Variants in MYLK observed in about 807,000 individuals in gnomAD.
The protein encoded by MYLK is myosin light chain kinase, also known as myosin light chain kinase, smooth muscle.
A neutral mutation model predicts 203.4 loss-of-function variants in MYLK; 106 were observed. The ratio of observed to expected loss-of-function variants is 0.52; its 90% confidence interval spans 0.45 to 0.61. The LOEUF is 0.61. Ranked by LOEUF, MYLK falls within the 20% of genes least tolerant of loss-of-function variation. The probability of loss-of-function intolerance (pLI) is 0.00; values close to 1 mark genes in which losing one functional copy is unlikely to be tolerated. For missense variants in MYLK, 2,072 were observed against 2,442.3 expected (o/e 0.85, Z 3.20); for synonymous variants, 867 against 959.5 (o/e 0.90, Z 1.78).
At position 123,700,105 on chromosome 3, in the gene MYLK, C is replaced by T; in HGVS notation, c.3363G>A (p.Val1121=). The T allele has an allele frequency of 5.0e-6, 8 of 1,613,976 alleles. No individual in the cohort carries two copies. Among genetic ancestry groups the T allele is most frequent in the Non-Finnish European group, 6.8e-6 (8 of 1,179,972 alleles). ...EGKKLLLQCQ[V]SSDPPATIIW... ...TGATGGTGGCTGGGGGGTCAGAAGA[C>T]ACCTGGCACTGGAGCAGCAGCTTCT... Residue 1121 remains valine (V), a synonymous_variant, in exon 18 of 34, where the codon GTG becomes GTA. Coordinates refer to ENST00000360304, the MANE Select transcript of MYLK (RefSeq NM_053025.4).
chr3:123,735,623 T>C (rs376664250), intron 8 of MYLK: 2 of 590,048 alleles, frequency 3.4e-6, no homozygotes, highest in Admixed American at 2.8e-5. Flanking sequence ...GGCTTCTTAA[T>C]AGTGGCTGGT....
rs1312089059 is a variant in MYLK, at chr3:123,610,879, T to G, written c.*3226A>C. On this transcript the variant is annotated 3_prime_UTR_variant, in exon 34 of 34. Transcript: ENST00000360304. ...TACATAAATTTAGAGCTGACAACAGTCAGCATGTCTTATTAGTTGCATGTA... is the reference window on the plus strand; with the variant it reads ...TACATAAATTTAGAGCTGACAACAGGCAGCATGTCTTATTAGTTGCATGTA... 6.6e-6 allele frequency: 1 copy of G among 152,192 alleles called. No homozygotes were observed. The highest frequency in any genetic ancestry group is 1.5e-5 in the Non-Finnish European group (1 of 68,034). The allele number at this position is 152,192 out of a possible 1,614,324, so 9.4% of individuals were successfully genotyped here.
In MYLK at chr3:123,661,199, T is replaced by A. The variant is rs151080191; in HGVS notation, c.3985+2906A>T. ...CGTAGTGGTGATCGGAGGAGGGGAG[T>A]GCGTGGCACTGCGCAGGAGCTGGGC... On this transcript the variant is annotated intron_variant, in intron 23 of 33. Coordinates refer to ENST00000360304, the MANE Select transcript of MYLK (RefSeq NM_053025.4). Among the ~76,000 whole-genome samples, 852 of 151,330 alleles carry A rather than the reference T, an allele frequency of 5.6e-3. 11 individuals carry two copies. Among genetic ancestry groups the A allele is most frequent in the African/African-American group, 0.019 (764 of 41,126 alleles).
intron 2 of MYLK, among the ~76,000 whole-genome samples, chr3:123,867,738 G>T (rs1002822383): frequency 6.6e-6 from 1 of 152,206 alleles, no homozygotes; most frequent in Non-Finnish European, 1.5e-5. Flanking sequence ...CCACCTGGCT[G>T]TGGTACTTTG....
At chr3:123,754,807 C>A (rs1225493079) in intron 4 of MYLK, among the ~76,000 whole-genome samples, 1 of 151,914 alleles carries the variant, frequency 6.6e-6, no homozygotes, top group Admixed American at 6.6e-5. Context: ...TATTAGTGTG[C>A]TGTATAATGA....
chr3:123,736,600 AG>A (rs777238692), intron 8 of MYLK, among the ~76,000 whole-genome samples: 7 of 152,260 alleles, frequency 4.6e-5, no homozygotes, highest in Non-Finnish European at 1.0e-4. Context: ...AGAAAGAGGC[AG>A]GGGTCAAAAG....
chr3:123,820,644 CTCCTTCCT>C (rs1171629371), intron 3 of MYLK, among the ~76,000 whole-genome samples: 579 of 26,096 alleles, frequency 0.022, 4 homozygotes, highest in Non-Finnish European at 0.045. Context: ...CCTTCCTTCC[CTCCTTCCT>C]TCCTTCCTTC....
chr3:123,680,342 C>T (rs1049704229), intron 20 of MYLK, among the ~76,000 whole-genome samples: 1 of 152,170 alleles, frequency 6.6e-6, no homozygotes, highest in Non-Finnish European at 1.5e-5. Flanking sequence ...TCAATACCTG[C>T]CCTGTAGCTT....
intron 13 of MYLK, among the ~76,000 whole-genome samples, chr3:123,719,059 G>C (rs1333972068): frequency 6.6e-6 from 1 of 152,228 alleles, no homozygotes; most frequent in Non-Finnish European, 1.5e-5. Context: ...GAGTCACTGA[G>C]GAGGGAAGGC....
chr3:123,863,850 A>G (rs913814968), intron 2 of MYLK, among the ~76,000 whole-genome samples: 5 of 152,236 alleles, frequency 3.3e-5, no homozygotes, highest in African/African-American at 7.2e-5. Flanking sequence ...ACTCCTAGAT[A>G]TTTACCCAAG....
intron 1 of MYLK, among the ~76,000 whole-genome samples, chr3:123,879,661 G>T (rs1340657497): frequency 6.6e-6 from 1 of 152,086 alleles, no homozygotes. Flanking sequence ...TTGAGACGGG[G>T]TCTCACACTG....
chr3:123,807,677 T>C (rs1276636228), intron 3 of MYLK, among the ~76,000 whole-genome samples: 3 of 152,164 alleles, frequency 2.0e-5, no homozygotes, highest in Admixed American at 6.5e-5. Flanking sequence ...ACTGGCAAAT[T>C]TGTGCAAGGC....
chr3:123,851,545 T>C (rs2030803771), intron 2 of MYLK, among the ~76,000 whole-genome samples: 1 of 4,618 alleles, frequency 2.2e-4, no homozygotes, highest in African/African-American at 1.8e-3. Context: ...CCTCTCTGTT[T>C]GTCTGTTATT....
intron 24 of MYLK, among the ~76,000 whole-genome samples, chr3:123,656,819 G>C (rs746316242): frequency 6.6e-6 from 1 of 152,220 alleles, no homozygotes; most frequent in Non-Finnish European, 1.5e-5. Context: ...GAAGAGAAGG[G>C]GTGGAGGGTG....
chr3:123,680,774 C>T (rs1407340100), intron 20 of MYLK, among the ~76,000 whole-genome samples: 1 of 152,204 alleles, frequency 6.6e-6, no homozygotes, highest in Non-Finnish European at 1.5e-5. Context: ...TCTGAGTTAA[C>T]CCGGCTCAAT....
At chr3:123,652,232 G>A (rs147545604) in intron 24 of MYLK, among the ~76,000 whole-genome samples, 37 of 152,200 alleles carry the variant, frequency 2.4e-4, no homozygotes, top group African/African-American at 8.7e-4. Flanking sequence ...TGCATAAAGG[G>A]TTGTTGAGAA....
intron 4 of MYLK, among the ~76,000 whole-genome samples, chr3:123,772,541 C>T (rs926224693): frequency 4.0e-5 from 6 of 151,818 alleles, no homozygotes; most frequent in Non-Finnish European, 8.8e-5. Context: ...TAGTGGAAAG[C>T]ATAAAGATAT....
rs200548319 is a variant in MYLK at position 123,736,134 on chromosome 3, G to A, written c.755-718C>T. 1.2e-4 allele frequency among the ~76,000 whole-genome samples: 18 copies of A among 152,246 alleles called. No homozygotes were observed. In the East Asian group the frequency reaches 2.9e-3, roughly 25 times the overall value. On this transcript the variant is annotated intron_variant, in intron 8 of 33. Transcript: ENST00000360304. The stretch of plus-strand genomic sequence containing the variant: ...AGTGAGCCACCAAGTCAGGTCCTCC[G>A]GTCAGGACCAGGATTTCTTGTTTTA...
chr3:123,687,305 C>G (rs2060491180), intron 19 of MYLK, among the ~76,000 whole-genome samples: 1 of 152,176 alleles, frequency 6.6e-6, no homozygotes, highest in Admixed American at 6.5e-5. Flanking sequence ...AGGGGTGGAT[C>G]AAAATCAGCT....
Sources: gnomAD v4.1 joint callset for allele counts (sites outside exome capture counted in the v4.1 genomes callset) on GRCh38, gnomAD v4.1.1 for gene constraint, MANE v1.5 for transcripts, NCBI Gene and HGNC (gene_info 2026-07-23, HGNC 2026-07-21) for gene names.